Variants in BCR observed in about 807,000 individuals in gnomAD.
BCR encodes breakpoint cluster region protein.
BCR carries 58 observed loss-of-function variants against 138.6 expected under a neutral mutation model. The observed-to-expected ratio is 0.42, with a 90% CI of 0.34 to 0.52. The LOEUF (loss-of-function observed/expected upper bound fraction) is 0.52. Ranked by LOEUF, BCR falls within the 20% of genes least tolerant of loss-of-function variation. BCR has a pLI of 0.06. For missense variants in BCR, 1,599 were observed against 1,727.2 expected (o/e 0.93, Z 1.32); for synonymous variants, 786 against 730.1 (o/e 1.08, Z -1.23).
chr22:23,252,490 G>C (rs553876663), intron 1 of BCR, among the ~76,000 whole-genome samples: 1 of 145,594 alleles, frequency 6.9e-6, no homozygotes. Context: ...GAGTGCAGTG[G>C]TGCAATCTTG....
At position 23,283,999 on chromosome 22, in the gene BCR, G is replaced by T; in HGVS notation, c.2138G>T (p.Ser713Ile). 1.2e-6 allele frequency: 2 copies of T among 1,600,746 alleles called. No individual in the cohort carries two copies. The highest frequency in any genetic ancestry group is 1.7e-6 in the Non-Finnish European group (2 of 1,173,852). ...KGEHRQLLKD[S>I]FMVELVEGAR... ...CAGCACCGGCAGCTGCTGAAGGACAGCTTCATGGTGGAGCTGGTGGAGGGG... is the reference window on the plus strand; with the variant it reads ...CAGCACCGGCAGCTGCTGAAGGACATCTTCATGGTGGAGCTGGTGGAGGGG... Residue 713 changes from serine (S) to isoleucine (I), a missense_variant, in exon 9 of 23, where the codon AGC (serine) becomes ATC (isoleucine). This residue lies in a region of BCR where 590 missense variants were observed against 762.4 expected (regional missense o/e 0.77). Coordinates refer to ENST00000305877, the MANE Select transcript of BCR (RefSeq NM_004327.4).
intron 5 of BCR, among the ~76,000 whole-genome samples, chr22:23,268,961 G>A (rs2073477340): frequency 1.3e-5 from 2 of 152,220 alleles, no homozygotes; most frequent in South Asian, 2.1e-4. Flanking sequence ...GCCGTGGGGC[G>A]AGGGCTCATG....
At chr22:23,196,549 A>G (rs369114269) in intron 1 of BCR, among the ~76,000 whole-genome samples, 1 of 152,112 alleles carries the variant, frequency 6.6e-6, no homozygotes, top group Admixed American at 6.6e-5. Flanking sequence ...TGGTTCCAGG[A>G]TTCCCTTGGG....
chr22:23,262,824 C>CGGAA, intron 4 of BCR: 2 of 1,014,990 alleles, frequency 2.0e-6, no homozygotes, highest in Non-Finnish European at 2.4e-6. Context: ...AGGGGCAAGG[C>CGGAA]GGAAGAGGAA....
Position 23,314,078 on chromosome 22 carries a change from C to A in BCR, c.3563+5C>A, listed in dbSNP as rs768226303. 7 of 1,609,828 alleles carry A rather than the reference C, an allele frequency of 4.3e-6. No homozygotes were observed. In the South Asian group the frequency reaches 7.7e-5, roughly 18 times the overall value. On this transcript the variant is annotated splice_donor_5th_base_variant and intron_variant, in intron 21 of 22. Coordinates refer to ENST00000305877, the MANE Select transcript of BCR (RefSeq NM_004327.4). Reference sequence around the variant, plus strand: ...CCTTCTGGACCACCTGAAAAGGTAGCCCAGCTCTCCCATGGCAGCCCAGGG... The same window carrying A: ...CCTTCTGGACCACCTGAAAAGGTAGACCAGCTCTCCCATGGCAGCCCAGGG...
chr22:23,292,783 A>T (rs1157741290), intron 15 of BCR, 145 bp downstream of exon 15: 2 of 629,800 alleles, frequency 3.2e-6, no homozygotes, highest in Non-Finnish European at 5.3e-6. Context: ...CTGGGGGGCC[A>T]GTAGGTGACG....
chr22:23,264,008 G>A (rs1174184895), intron 4 of BCR: 3 of 896,818 alleles, frequency 3.3e-6, no homozygotes, highest in Non-Finnish European at 5.7e-6. Flanking sequence ...GGGCTGGGGT[G>A]CTGGATGTCA....
chr22:23,241,166 C>A (rs2073085714), intron 1 of BCR, among the ~76,000 whole-genome samples: 2 of 152,250 alleles, frequency 1.3e-5, no homozygotes, highest in South Asian at 4.1e-4. Context: ...CCTCTCCTAA[C>A]CTGCCCCAGG....
intron 19 of BCR, chr22:23,312,046 C>T: frequency 1.0e-6 from 1 of 977,394 alleles, no homozygotes; most frequent in Non-Finnish European, 1.4e-6. Flanking sequence ...CCATGCATGC[C>T]ACTTGCTGGG....
intron 16 of BCR, among the ~76,000 whole-genome samples, chr22:23,303,931 CTTTT>C (rs131683): frequency 9.4e-6 from 1 of 106,176 alleles, no homozygotes; most frequent in African/African-American, 3.9e-5. Context: ...TCCTTGTTGC[CTTTT>C]TTTTTTTTTT....
At chr22:23,213,303 A>G (rs1290304617) in intron 1 of BCR, among the ~76,000 whole-genome samples, 2 of 152,116 alleles carry the variant, frequency 1.3e-5, no homozygotes, top group Non-Finnish European at 2.9e-5. Context: ...AGCGTTGCTG[A>G]CTTGTGCTCC....
At chr22:23,184,398 C>T (rs963720440) in intron 1 of BCR, among the ~76,000 whole-genome samples, 4 of 152,086 alleles carry the variant, frequency 2.6e-5, no homozygotes, top group African/African-American at 4.8e-5. Flanking sequence ...GCCTCTTAGA[C>T]GTTTTTAGTA....
intron 1 of BCR, among the ~76,000 whole-genome samples, chr22:23,240,009 G>A (rs1014154966): frequency 2.6e-5 from 4 of 152,080 alleles, no homozygotes; most frequent in African/African-American, 4.8e-5. Flanking sequence ...GTAGAGACAC[G>A]TTCTTGTTAT....
At chr22:23,301,022 T>C (rs2073896855) in intron 16 of BCR, among the ~76,000 whole-genome samples, 1 of 152,156 alleles carries the variant, frequency 6.6e-6, no homozygotes, top group Admixed American at 6.5e-5. Flanking sequence ...CCTAGAAAAT[T>C]TGCAGATGAA....
rs145619343 is a variant in BCR, at chr22:23,278,963, G to A, written c.2116-5014G>A. 5.2e-4 allele frequency among the ~76,000 whole-genome samples: 79 copies of A among 152,292 alleles called. 1 individual carries two copies. The highest frequency in any genetic ancestry group is 1.8e-3 in the African/African-American group (74 of 41,558). ...ATTGGCAAACAAAGCTTGGGTTCTC[G>A]GCTTGTCTGGGCCAAGTTCTAATTC... On this transcript the variant is annotated intron_variant, in intron 8 of 22. Transcript: ENST00000305877.
At chr22:23,186,504 T>C (rs1372726516) in intron 1 of BCR, among the ~76,000 whole-genome samples, 1 of 152,184 alleles carries the variant, frequency 6.6e-6, no homozygotes, top group Non-Finnish European at 1.5e-5. Context: ...TTGAACTTTT[T>C]CATCTTCCCG....
In BCR at chr22:23,289,093, C is replaced by G. The variant is rs565594081; in HGVS notation, c.2603-424C>G. Among the ~76,000 whole-genome samples the G allele has an allele frequency of 5.3e-5, 8 of 152,320 alleles. No homozygotes were observed. In the East Asian group the frequency reaches 1.3e-3, roughly 26 times the overall value. On this transcript the variant is annotated intron_variant, in intron 12 of 22. Transcript: ENST00000305877. ...AGAGTGGCAGCCTCTGTTCCCTGTT[C>G]AGCATTATGCCCAGAAATAAGCCCC...
chr22:23,289,542 C>G lies in BCR; in HGVS notation c.2628C>G (p.Ser876=). The part of the protein sequence containing the change: ...KKCFRSFSLT[S]VELQMLTNSC... ...GTTTCAGAAGCTTCTCCCTGACATC[C>G]GTGGAGCTGCAGATGCTGACCAACT... is the stretch of plus-strand genomic sequence containing the variant. The change falls in exon 13 of 23, where the codon TCC becomes TCG. Residue 876 remains serine (S), a synonymous_variant. Coordinates refer to ENST00000305877, the MANE Select transcript of BCR (RefSeq NM_004327.4). The G allele has an allele frequency of 6.2e-7, 1 of 1,614,180 alleles. No individual in the cohort carries two copies. The highest frequency in any genetic ancestry group is 1.1e-5 in the South Asian group (1 of 91,072).
chr22:23,300,091 T>G (rs925047253), intron 16 of BCR, among the ~76,000 whole-genome samples: 3 of 152,210 alleles, frequency 2.0e-5, no homozygotes, highest in African/African-American at 7.2e-5. Context: ...ACATTCACAT[T>G]GTTGTGCAGC....
Sources: allele counts gnomAD v4.1 joint callset (sites outside exome capture counted in the v4.1 genomes callset), GRCh38; gene constraint gnomAD v4.1.1; regional missense constraint gnomAD v4.1.1; transcripts MANE v1.5; gene names NCBI Gene and HGNC (gene_info 2026-07-23, HGNC 2026-07-21).